SAMMSON: variants seen among roughly 807,000 people sequenced by gnomAD.
The protein encoded by SAMMSON is survival associated mitochondrial melanoma specific oncogenic non-coding RNA, also known as long intergenic non-protein coding RNA 1212.
chr3:70,124,814 C>CAAAAAAAAAA (rs1208323683), intron 4 of SAMMSON, among the ~76,000 whole-genome samples: 19 of 53,688 alleles, frequency 3.5e-4, no homozygotes, highest in East Asian at 1.4e-3. Context: ...GACTCCATCT[C>CAAAAAAAAAA]AAAAAAAAAA....
At chr3:70,225,349 G>T (rs1362514840) in intron 4 of SAMMSON, among the ~76,000 whole-genome samples, 1 of 152,178 alleles carries the variant, frequency 6.6e-6, no homozygotes, top group Non-Finnish European at 1.5e-5. Context: ...GTGCTCATTT[G>T]CAGAGTTCTG....
intron 1 of SAMMSON, among the ~76,000 whole-genome samples, chr3:70,011,392 A>G (rs2066954923): frequency 6.6e-6 from 1 of 152,098 alleles, no homozygotes; most frequent in Non-Finnish European, 1.5e-5. Flanking sequence ...TATTGTTAGG[A>G]CAAATGATGT....
chr3:70,432,678 T>C (rs553786974), intron 2 of SAMMSON, among the ~76,000 whole-genome samples: 4 of 152,142 alleles, frequency 2.6e-5, no homozygotes, highest in Non-Finnish European at 5.9e-5. Context: ...ATAAAGTTCA[T>C]GGTTTACATT....
chr3:70,286,281 A>C, intron 6 of SAMMSON, among the ~76,000 whole-genome samples: 1 of 152,190 alleles, frequency 6.6e-6, no homozygotes, highest in Non-Finnish European at 1.5e-5. Flanking sequence ...ACATATGGCT[A>C]GCCAGTTTTC....
At chr3:70,389,186 T>C (rs1319069479) in intron 9 of SAMMSON, among the ~76,000 whole-genome samples, 1 of 152,078 alleles carries the variant, frequency 6.6e-6, no homozygotes, top group African/African-American at 2.4e-5. Flanking sequence ...CCAGAATTGT[T>C]AGCAAAATGA....
At chr3:70,259,992 GA>G (rs1393655589) in intron 6 of SAMMSON, among the ~76,000 whole-genome samples, 4 of 152,114 alleles carry the variant, frequency 2.6e-5, no homozygotes, top group African/African-American at 9.7e-5. Flanking sequence ...ACTATCACGA[GA>G]ACAGCGTGAT....
chr3:70,111,803 G>A (rs1010920901), intron 4 of SAMMSON, among the ~76,000 whole-genome samples: 8 of 152,096 alleles, frequency 5.3e-5, no homozygotes, highest in African/African-American at 1.9e-4. Context: ...CAATGGATAG[G>A]TCAAATAGCA....
chr3:70,237,901 A>G (rs1253607295), intron 4 of SAMMSON, among the ~76,000 whole-genome samples: 1 of 149,534 alleles, frequency 6.7e-6, no homozygotes, highest in African/African-American at 2.4e-5. Context: ...GGATGAACTT[A>G]CCAGGATCTC....
In SAMMSON at chr3:70,068,738, T is replaced by A. The variant is rs190900387; in HGVS notation, n.418-2738T>A. The A allele has an allele frequency of 5.9e-5, 9 of 152,218 alleles. No homozygotes were observed. In the East Asian group the frequency reaches 1.5e-3, roughly 26 times the overall value. The allele number at this position is 152,218 out of a possible 1,614,324, so 9.4% of individuals were successfully genotyped here. The stretch of plus-strand genomic sequence containing the variant: ...TTGGATTATTGTGGTGTTAGATTTA[T>A]CTGTATGAGGATTTCTCGAGTCACA... On this transcript the variant is annotated intron_variant and non_coding_transcript_variant, in intron 3 of 9. Coordinates refer to ENST00000642114, the Ensembl canonical transcript of SAMMSON.
At chr3:70,053,859 G>T (rs1392450851) in intron 3 of SAMMSON, among the ~76,000 whole-genome samples, 1 of 151,956 alleles carries the variant, frequency 6.6e-6, no homozygotes, top group African/African-American at 2.4e-5. Flanking sequence ...TGTATGTCTT[G>T]GATAAGGTAC....
intron 6 of SAMMSON, among the ~76,000 whole-genome samples, chr3:70,268,119 G>A (rs1272976552): frequency 6.6e-6 from 1 of 151,958 alleles, no homozygotes; most frequent in South Asian, 2.1e-4. Context: ...AAATTGGGCA[G>A]AAGGTGCAGA....
intron 4 of SAMMSON, among the ~76,000 whole-genome samples, chr3:70,248,555 A>G (rs552559215): frequency 1.3e-5 from 2 of 152,180 alleles, no homozygotes; most frequent in South Asian, 2.1e-4. Context: ...GGGAAAATAC[A>G]TAGTCAAATT....
chr3:70,266,279 C>T (rs902129124), intron 6 of SAMMSON, among the ~76,000 whole-genome samples: 2 of 151,288 alleles, frequency 1.3e-5, no homozygotes, highest in Non-Finnish European at 2.9e-5. Flanking sequence ...TAATTATGTA[C>T]TTCTAATGTC....
chr3:70,356,997 C>T (rs926609463), intron 8 of SAMMSON, among the ~76,000 whole-genome samples: 4 of 152,098 alleles, frequency 2.6e-5, no homozygotes, highest in African/African-American at 7.2e-5. Flanking sequence ...AGTAAGTCAC[C>T]TACTTTTGAA....
intron 4 of SAMMSON, chr3:70,124,994 G>T (rs976371384): frequency 1.5e-6 from 1 of 661,044 alleles, no homozygotes; most frequent in Non-Finnish European, 2.7e-6. Context: ...AGTCCAGGTG[G>T]TCAATTTCTT....
At chr3:70,167,020 T>A (rs2067640073) in intron 4 of SAMMSON, among the ~76,000 whole-genome samples, 1 of 152,054 alleles carries the variant, frequency 6.6e-6, no homozygotes, top group South Asian at 2.1e-4. Context: ...TTTATAGTAG[T>A]TACAATAAAA....
intron 4 of SAMMSON, chr3:70,071,583 C>T (rs543777103): frequency 1.3e-5 from 2 of 151,956 alleles, no homozygotes; most frequent in East Asian, 1.9e-4. Context: ...AATGTGGTGC[C>T]GGCATTGAGA....
intron 6 of SAMMSON, among the ~76,000 whole-genome samples, chr3:70,280,627 T>C (rs1702072766): frequency 6.6e-6 from 1 of 152,132 alleles, no homozygotes; most frequent in African/African-American, 2.4e-5. Context: ...TTCTCTGTCC[T>C]CCTTTCTCTC....
At chr3:70,014,305 C>A (rs899321020) in intron 3 of SAMMSON, 1 of 152,130 alleles carries the variant, frequency 6.6e-6, no homozygotes, top group African/African-American at 2.4e-5. Flanking sequence ...TCACCTACCC[C>A]CAAGACATGG....
Sources: gnomAD v4.1 joint callset for allele counts (sites outside exome capture counted in the v4.1 genomes callset) on GRCh38, gnomAD v4.1.1 for gene constraint, MANE v1.5 for transcripts, NCBI Gene and HGNC (gene_info 2026-07-23, HGNC 2026-07-21) for gene names.